SCHIP1: variants seen among roughly 807,000 people sequenced by gnomAD.
SCHIP1 encodes schwannomin interacting protein 1, also known as schwannomin-interacting protein 1.
In SCHIP1, 8 loss-of-function variants were observed where a neutral mutation model predicts 29.7. The ratio of observed to expected loss-of-function variants is 0.27; its 90% CI spans 0.16 to 0.49. The LOEUF is 0.49. Ranked by LOEUF, SCHIP1 falls within the 20% of genes least tolerant of loss-of-function variation. The pLI is 0.99. For synonymous variants in SCHIP1, 76 were observed against 94.9 expected, an observed-to-expected ratio of 0.80 and a Z score of 1.16; for missense variants, 193 against 294.6, an observed-to-expected ratio of 0.66 and a Z score of 2.52.
At chr3:159,463,721 C>T in the SCHIP1 span, among the ~76,000 whole-genome samples, 1 of 147,702 alleles carries the variant, frequency 6.8e-6, no homozygotes, top group Non-Finnish European at 1.5e-5. Flanking sequence ...GTATGACAAC[C>T]ATGGAAGAGA....
At chr3:159,408,696 T>C in the SCHIP1 span, among the ~76,000 whole-genome samples, 2 of 152,194 alleles carry the variant, frequency 1.3e-5, no homozygotes, top group Non-Finnish European at 2.9e-5. Context: ...ACTGCTGACT[T>C]TTACCAAATA....
At chr3:159,428,891 T>C in the SCHIP1 span, among the ~76,000 whole-genome samples, 1 of 152,172 alleles carries the variant, frequency 6.6e-6, no homozygotes, top group Non-Finnish European at 1.5e-5. Context: ...TTCATGTCCT[T>C]TGTAGGGACA....
chr3:159,842,883 C>T (rs950183891), intron 1 of SCHIP1, among the ~76,000 whole-genome samples: 3 of 151,890 alleles, frequency 2.0e-5, no homozygotes, highest in African/African-American at 7.3e-5. Context: ...GCCTCTACCC[C>T]CATCCATTAC....
chr3:159,535,222 A>T, the SCHIP1 span, among the ~76,000 whole-genome samples: 2 of 152,232 alleles, frequency 1.3e-5, no homozygotes, highest in African/African-American at 2.4e-5. Flanking sequence ...TTTAGCATAC[A>T]TTATGATATC....
the SCHIP1 span, among the ~76,000 whole-genome samples, chr3:159,722,991 A>T: frequency 1.3e-5 from 2 of 152,158 alleles, no homozygotes; most frequent in East Asian, 3.9e-4. Flanking sequence ...CCCTGGCTAT[A>T]GCAATTGGAA....
At chr3:159,408,172 C>T in the SCHIP1 span, among the ~76,000 whole-genome samples, 1 of 151,978 alleles carries the variant, frequency 6.6e-6, no homozygotes, top group Non-Finnish European at 1.5e-5. Context: ...GTGGCAGGCA[C>T]CTGTAGTAGC....
the SCHIP1 span, among the ~76,000 whole-genome samples, chr3:159,417,263 G>A: frequency 1.3e-5 from 2 of 152,190 alleles, no homozygotes; most frequent in African/African-American, 4.8e-5. Flanking sequence ...AGGATCTGGA[G>A]GACTGCTCAG....
At chr3:159,522,800 C>T in the SCHIP1 span, among the ~76,000 whole-genome samples, 2 of 151,992 alleles carry the variant, frequency 1.3e-5, no homozygotes, top group African/African-American at 4.8e-5. Context: ...ACCTGGGAGG[C>T]GGAGCTTGCA....
the SCHIP1 span, among the ~76,000 whole-genome samples, chr3:159,794,572 G>A: frequency 2.0e-5 from 3 of 152,212 alleles, no homozygotes; most frequent in Non-Finnish European, 4.4e-5. Flanking sequence ...ACTAGATTCC[G>A]GACCTCAAGG....
chr3:159,705,746 G>A, the SCHIP1 span, among the ~76,000 whole-genome samples: 93 of 152,036 alleles, frequency 6.1e-4, no homozygotes, highest in African/African-American at 2.1e-3. Context: ...TCGCTCTGTC[G>A]CCCAGGCTGG....
At chr3:159,620,470 A>G in the SCHIP1 span, among the ~76,000 whole-genome samples, 1 of 152,238 alleles carries the variant, frequency 6.6e-6, no homozygotes, top group Non-Finnish European at 1.5e-5. Flanking sequence ...TCAACTGGAT[A>G]AAGAAATAGA....
the SCHIP1 span, chr3:159,401,343 T>G: frequency 7.2e-5 from 70 of 969,684 alleles, no homozygotes; most frequent in Non-Finnish European, 8.1e-5. Context: ...GCATCTAGAC[T>G]AAGTGGGATG....
the SCHIP1 span, among the ~76,000 whole-genome samples, chr3:159,579,779 T>A: frequency 6.6e-6 from 1 of 152,216 alleles, no homozygotes; most frequent in Non-Finnish European, 1.5e-5. Context: ...TCTATTTTGT[T>A]TAAGAGGCAC....
chr3:159,808,680 T>G, the SCHIP1 span: 6 of 152,330 alleles, frequency 3.9e-5, no homozygotes, highest in Non-Finnish European at 5.9e-5. Flanking sequence ...GGCAAAGATA[T>G]AAGGAGTCTG....
At chr3:159,863,384 C>G (rs1334741601) in intron 1 of SCHIP1, among the ~76,000 whole-genome samples, 2 of 151,390 alleles carry the variant, frequency 1.3e-5, no homozygotes, top group Non-Finnish European at 2.9e-5. Context: ...TTTAATTTGA[C>G]ACAACTCAAA....
At chr3:159,542,315 T>A in the SCHIP1 span, among the ~76,000 whole-genome samples, 1 of 152,072 alleles carries the variant, frequency 6.6e-6, no homozygotes, top group Non-Finnish European at 1.5e-5. Flanking sequence ...ATCATCACAA[T>A]CAAGATAATG....
chr3:159,703,120 C>T, the SCHIP1 span, among the ~76,000 whole-genome samples: 12 of 152,134 alleles, frequency 7.9e-5, no homozygotes, highest in Admixed American at 2.6e-4. Context: ...TTAATTCAGC[C>T]GAGTGATTAG....
the SCHIP1 span, among the ~76,000 whole-genome samples, chr3:159,821,282 C>T: frequency 1.3e-5 from 2 of 152,090 alleles, no homozygotes; most frequent in African/African-American, 4.8e-5. Flanking sequence ...CAAGTCTGGA[C>T]AAGTCTTTCA....
chr3:159,635,563 T>C, the SCHIP1 span, among the ~76,000 whole-genome samples: 1 of 152,172 alleles, frequency 6.6e-6, no homozygotes, highest in East Asian at 1.9e-4. Context: ...ATATTGAGAC[T>C]CAGGTTCTTC....
Sources: gnomAD v4.1 joint callset for allele counts (sites outside exome capture counted in the v4.1 genomes callset) on GRCh38, gnomAD v4.1.1 for gene constraint, MANE v1.5 for transcripts, NCBI Gene and HGNC (gene_info 2026-07-23, HGNC 2026-07-21) for gene names.